The following TMTC2 variants were observed in gnomAD, a reference collection of about 807,000 sequenced individuals.
The protein encoded by TMTC2 is transmembrane O-mannosyltransferase targeting cadherins 2, also known as protein O-mannosyl-transferase TMTC2.
Under a neutral mutation model 82.4 loss-of-function variants are expected in TMTC2, and 43 were observed. That is an observed-to-expected ratio of 0.52 (90% confidence interval 0.41 to 0.67). The LOEUF (loss-of-function observed/expected upper bound fraction) is 0.67. TMTC2 is among the 30% of genes least tolerant of loss of function. The probability of loss-of-function intolerance (pLI) is 0.00; values close to 1 mark genes in which losing one functional copy is unlikely to be tolerated. For synonymous variants in TMTC2, 408 were observed against 381.9 expected (o/e 1.07, Z -0.80); for missense variants, 919 against 1,012.4 (o/e 0.91, Z 1.25).
chr12:83,014,022 A>G (rs1402693111), intron 8 of TMTC2, among the ~76,000 whole-genome samples: 1 of 152,210 alleles, frequency 6.6e-6, no homozygotes, highest in Non-Finnish European at 1.5e-5. Flanking sequence ...TTTTCTTCAA[A>G]TTCACTGAAC....
At chr12:82,806,309 ATTACT>A (rs879770462) in intron 1 of TMTC2, among the ~76,000 whole-genome samples, 1 of 152,192 alleles carries the variant, frequency 6.6e-6, no homozygotes, top group Non-Finnish European at 1.5e-5. Context: ...TAAACTTGAA[ATTACT>A]TAAGTAGTAA....
At chr12:83,110,790 A>G (rs1233700215) in intron 11 of TMTC2, among the ~76,000 whole-genome samples, 1 of 152,112 alleles carries the variant, frequency 6.6e-6, no homozygotes, top group Admixed American at 6.5e-5. Flanking sequence ...TCTTTAACCC[A>G]CTTCACACCC....
intron 2 of TMTC2, among the ~76,000 whole-genome samples, chr12:82,883,935 T>C (rs1872964216): frequency 6.6e-6 from 1 of 152,188 alleles, no homozygotes; most frequent in Non-Finnish European, 1.5e-5. Flanking sequence ...TCTTCACATA[T>C]TTTCTTCATA....
intron 1 of TMTC2, among the ~76,000 whole-genome samples, chr12:82,842,324 C>T (rs1870384312): frequency 6.6e-6 from 1 of 152,090 alleles, no homozygotes; most frequent in Non-Finnish European, 1.5e-5. Flanking sequence ...AGCATTAGTG[C>T]CTTGTTGTTG....
rs66859423 is a variant in TMTC2, at chr12:82,845,226, CAAAAAAA to C, written c.84-11763_84-11757del. Among the ~76,000 whole-genome samples, 10 of 45,558 alleles carry C rather than the reference CAAAAAAA, an allele frequency of 2.2e-4. No homozygotes were observed. The East Asian group carries it at 3.0e-3, about 14-fold the overall frequency. 29.9% of individuals were successfully genotyped at this position (45,558 alleles called of 152,430 possible). ...CCTGGGTGACAGAGCGTGACTGTCTCAAAAAAAAAAAAAAAAAAAAAAAAAAATATAT... is the reference window on the plus strand; with the variant it reads ...CCTGGGTGACAGAGCGTGACTGTCTCAAAAAAAAAAAAAAAAAAAATATAT... On this transcript the variant is annotated intron_variant, in intron 1 of 11. Coordinates refer to ENST00000321196, the MANE Select transcript of TMTC2 (RefSeq NM_152588.3).
At chr12:82,818,168 C>T (rs1044354686) in intron 1 of TMTC2, among the ~76,000 whole-genome samples, 1 of 151,980 alleles carries the variant, frequency 6.6e-6, no homozygotes, top group African/African-American at 2.4e-5. Flanking sequence ...ATTTTTATTT[C>T]TTATTGCAGT....
intron 1 of TMTC2, among the ~76,000 whole-genome samples, chr12:82,815,337 G>A (rs1410645037): frequency 1.1e-4 from 16 of 149,374 alleles, no homozygotes; most frequent in Non-Finnish European, 2.2e-4. Flanking sequence ...TAGAGATGGA[G>A]TCTTGCTCTG....
At chr12:82,736,021 G>A (rs114283476) in intron 1 of TMTC2, among the ~76,000 whole-genome samples, 2,294 of 151,552 alleles carry the variant, frequency 0.015, 58 homozygotes, top group African/African-American at 0.052. Flanking sequence ...TGATTAATGA[G>A]TTTTAAATTT....
chr12:83,060,779 T>C (rs969598685), intron 10 of TMTC2, among the ~76,000 whole-genome samples: 3 of 151,796 alleles, frequency 2.0e-5, no homozygotes, highest in Admixed American at 6.6e-5. Context: ...AAAGAACGAC[T>C]GGCTGGACTT....
intron 1 of TMTC2, among the ~76,000 whole-genome samples, chr12:82,783,961 A>T (rs1878038400): frequency 6.6e-6 from 1 of 152,188 alleles, no homozygotes; most frequent in African/African-American, 2.4e-5. Flanking sequence ...ACAATATTCT[A>T]CAAGTTGTAG....
intron 1 of TMTC2, among the ~76,000 whole-genome samples, chr12:82,837,457 A>G (rs904943874): frequency 2.0e-5 from 3 of 152,152 alleles, no homozygotes; most frequent in African/African-American, 7.2e-5. Flanking sequence ...ACAAAACAAA[A>G]AAAAGGTTAC....
intron 7 of TMTC2, among the ~76,000 whole-genome samples, chr12:82,976,036 AC>A (rs1206015946): frequency 6.6e-6 from 1 of 152,058 alleles, no homozygotes; most frequent in African/African-American, 2.4e-5. Context: ...AAAGATCCTC[AC>A]CTGTCCCCAA....
chr12:82,911,342 C>T (rs1874646208), intron 3 of TMTC2, among the ~76,000 whole-genome samples: 1 of 149,996 alleles, frequency 6.7e-6, no homozygotes, highest in East Asian at 2.0e-4. Context: ...GCCCTTCCCC[C>T]ACCCCCGCCC....
At chr12:82,723,491 A>G (rs543518529) in intron 1 of TMTC2, among the ~76,000 whole-genome samples, 1 of 152,318 alleles carries the variant, frequency 6.6e-6, no homozygotes, top group African/African-American at 2.4e-5. Context: ...CACATACATC[A>G]TGAGGTACTG....
chr12:82,816,027 A>G (rs1165734082), intron 1 of TMTC2, among the ~76,000 whole-genome samples: 1 of 152,120 alleles, frequency 6.6e-6, no homozygotes, highest in Non-Finnish European at 1.5e-5. Context: ...GATGGAACAT[A>G]GTACTTGATA....
intron 10 of TMTC2, among the ~76,000 whole-genome samples, chr12:83,058,280 T>A (rs1342012691): frequency 6.6e-6 from 1 of 151,816 alleles, no homozygotes; most frequent in African/African-American, 2.4e-5. Context: ...TGAGAGTATA[T>A]TTTCACTGAT....
chr12:82,891,458 G>A (rs1042904797), intron 2 of TMTC2, among the ~76,000 whole-genome samples: 5 of 151,978 alleles, frequency 3.3e-5, no homozygotes, highest in African/African-American at 4.8e-5. Context: ...ACAGGCATGC[G>A]CCACCACGCC....
intron 4 of TMTC2, among the ~76,000 whole-genome samples, chr12:82,939,378 T>G (rs1341056161): frequency 2.0e-5 from 3 of 152,146 alleles, no homozygotes; most frequent in Non-Finnish European, 4.4e-5. Flanking sequence ...AAAAAATCCC[T>G]AAGTTCTCTA....
intron 1 of TMTC2, among the ~76,000 whole-genome samples, chr12:82,790,361 G>C (rs1878406559): frequency 1.3e-5 from 2 of 152,006 alleles, no homozygotes; most frequent in Non-Finnish European, 2.9e-5. Flanking sequence ...CTCTTTGAGA[G>C]AGTCAATATT....
Sources: allele counts gnomAD v4.1 joint callset (sites outside exome capture counted in the v4.1 genomes callset), GRCh38; gene constraint gnomAD v4.1.1; transcripts MANE v1.5; gene names NCBI Gene and HGNC (gene_info 2026-07-23, HGNC 2026-07-21).